CYTH2: variants seen among roughly 807,000 people sequenced by gnomAD.
CYTH2 encodes cytohesin 2.
In CYTH2, 24 loss-of-function variants were observed where a neutral mutation model predicts 55.4. That is an observed-to-expected ratio of 0.43 (90% CI 0.31 to 0.61). CYTH2 has a LOEUF of 0.61. CYTH2 is among the 20% of genes least tolerant of loss of function. CYTH2 has a pLI of 0.08. For synonymous variants in CYTH2, 221 were observed against 209.6 expected (o/e 1.05, Z -0.47); for missense variants, 378 against 533.5 (o/e 0.71, Z 2.87).
At chr19:48,469,917 C>T in intron 1 of CYTH2, 1 of 567,682 alleles carries the variant, frequency 1.8e-6, no homozygotes, top group Non-Finnish European at 3.4e-6. Flanking sequence ...CTTCCCAACT[C>T]TCCTGAGCTG....
chr19:48,477,826 C>G, intron 8 of CYTH2: 1 of 519,744 alleles, frequency 1.9e-6, no homozygotes, highest in South Asian at 3.0e-5. Flanking sequence ...GGGCTGGGGG[C>G]TCAGGCTCCT....
Position 48,469,377 on chromosome 19 carries a change from G to A in CYTH2, c.-131G>A, listed in dbSNP as rs1971733445. ...AAGGGAAGAGTCTTTTCAGCGCTGAGGACTGGCGCTGAGGAGGCGGCGGTG... is the reference window on the plus strand; with the variant it reads ...AAGGGAAGAGTCTTTTCAGCGCTGAAGACTGGCGCTGAGGAGGCGGCGGTG... On this transcript the variant is annotated 5_prime_UTR_variant, in exon 1 of 12. Coordinates refer to ENST00000452733, the MANE Select transcript of CYTH2 (RefSeq NM_004228.7). The A allele has an allele frequency of 7.6e-6, 8 of 1,055,854 alleles. No individual in the cohort carries two copies. The South Asian group carries it at 2.3e-4, about 31-fold the overall frequency. The allele number at this position is 1,055,854 out of a possible 1,614,324, so 65.4% of individuals were successfully genotyped here.
In CYTH2 at chr19:48,474,265, G is replaced by C. The variant is rs774765800; in HGVS notation, c.631G>C (p.Glu211Gln). ...NPNVRDKPGL[E>Q]RFVAMNRGIN... Reference sequence around the variant, plus strand: ...CAATGTCCGGGACAAGCCGGGCCTGGAGCGCTTTGTGGCCATGAACCGGGG... The same window carrying C: ...CAATGTCCGGGACAAGCCGGGCCTGCAGCGCTTTGTGGCCATGAACCGGGG... Residue 211 changes from glutamate (E) to glutamine (Q), a missense_variant, in exon 7 of 12, where the codon GAG becomes CAG. Glu to Gln is a conservative substitution (Grantham distance 29). Transcript: ENST00000452733. The surrounding 1 kb of genome is among the most constrained non-coding windows in gnomAD (Gnocchi z 4.9). 4 of 1,613,738 alleles carry C rather than the reference G, an allele frequency of 2.5e-6. No individual in the cohort carries two copies. The highest frequency in any genetic ancestry group is 1.6e-4 in the Middle Eastern group (1 of 6,062).
Position 48,479,126 on chromosome 19 carries a change from G to A in CYTH2, c.1116G>A (p.Ala372=), listed in dbSNP as rs200513919. The A allele has an allele frequency of 8.1e-6, 13 of 1,614,028 alleles. No homozygotes were observed. Among genetic ancestry groups the A allele is most frequent in the South Asian group, 4.4e-5 (4 of 91,086 alleles). ...TGGGACCCCTCCCCTTCTGCAGGGC[G>A]GCTGTGAGTGTGGACCCCTTCTATG... The part of the protein sequence containing the change: ...EKDEWIKSIQ[A]AVSVDPFYEM... Residue 372 remains alanine (A), a synonymous_variant, in exon 12 of 12, where the codon GCG becomes GCA. Coordinates refer to ENST00000452733, the MANE Select transcript of CYTH2 (RefSeq NM_004228.7).
intron 11 of CYTH2, among the ~76,000 whole-genome samples, 189 bp from the exon 12 acceptor site, chr19:48,478,934 C>G (rs1460715461): frequency 2.2e-4 from 29 of 131,628 alleles, no homozygotes; most frequent in African/African-American, 8.0e-4. Flanking sequence ...GGCCTGGACT[C>G]CTGGGTCTGA....
intron 3 of CYTH2, 87 bp downstream of exon 3, chr19:48,470,756 G>A (rs1601019609): frequency 6.8e-7 from 1 of 1,463,948 alleles, no homozygotes; most frequent in South Asian, 1.2e-5. Context: ...GCGTGATGGT[G>A]CCGGGTCTAT....
chr19:48,472,799 G>C (rs930398254), intron 4 of CYTH2: 3 of 378,722 alleles, frequency 7.9e-6, no homozygotes, highest in South Asian at 4.4e-5. Flanking sequence ...TCTGGGAGCT[G>C]TGGGGACCGC....
At chr19:48,477,757 C>T (rs1009241812) in intron 8 of CYTH2, 7 of 408,182 alleles carry the variant, frequency 1.7e-5, no homozygotes, top group East Asian at 7.7e-5. Context: ...CATCACTAGA[C>T]GAGGGGAGGG....
chr19:48,472,734 T>C lies in CYTH2; in HGVS notation c.353+291T>C. 3 of 444,454 alleles carry C rather than the reference T, an allele frequency of 6.7e-6. 1 individual carries two copies. Among genetic ancestry groups the C allele is most frequent in the South Asian group, 6.1e-5 (3 of 49,372 alleles). 27.5% of individuals were successfully genotyped at this position (444,454 alleles called of 1,614,324 possible). ...GGTAGAGAACATCTCTCAAGGATCA[T>C]GGGAGCTTGAGAACCGTGGGTAGAC... On this transcript the variant is annotated intron_variant, in intron 4 of 11. Transcript: ENST00000452733.
intron 3 of CYTH2, among the ~76,000 whole-genome samples, chr19:48,471,246 G>A (rs1018966430): frequency 9.2e-5 from 14 of 151,696 alleles, no homozygotes; most frequent in African/African-American, 2.7e-4. Context: ...ACTAACCTCC[G>A]CCTCCTGCGA....
At chr19:48,469,876 G>T (rs931555097) in intron 1 of CYTH2, 7 of 560,178 alleles carry the variant, frequency 1.2e-5, no homozygotes, top group Non-Finnish European at 2.1e-5. Flanking sequence ...AGAAATCTTG[G>T]GGGGCGGGGG....
intron 8 of CYTH2, 168 bp downstream of exon 8, chr19:48,475,117 G>A: frequency 3.2e-6 from 2 of 622,724 alleles, no homozygotes; most frequent in Non-Finnish European, 5.5e-6. Flanking sequence ...ATAAAATCAG[G>A]CCTGTGTGCT....
rs560233946 is a variant in CYTH2 at position 48,469,393 on chromosome 19, G to T, written c.-115G>T. The T allele has an allele frequency of 4.8e-4, 575 of 1,195,480 alleles. 3 individuals are homozygous for T. In the South Asian group the frequency reaches 8.9e-3, roughly 18 times the overall value. The allele number at this position is 1,195,480 out of a possible 1,614,324, so 74.1% of individuals were successfully genotyped here. On this transcript the variant is annotated 5_prime_UTR_variant, in exon 1 of 12. It adds an upstream start codon to the 5' untranslated region. Coordinates refer to ENST00000452733, the MANE Select transcript of CYTH2 (RefSeq NM_004228.7). ...CAGCGCTGAGGACTGGCGCTGAGGA[G>T]GCGGCGGTGGCTCCCGGGGCGTTTG...
Position 48,479,256 on chromosome 19 carries a change from G to A in CYTH2, c.*46G>A, listed in dbSNP as rs960403327. ...TATTTATTACGGAGCTGCCCCGCCT[G>A]GGTGGCCGGACCCCTGGGCCTTGGG... On this transcript the variant is annotated 3_prime_UTR_variant, in exon 12 of 12. Transcript: ENST00000452733. The A allele has an allele frequency of 6.2e-7, 1 of 1,605,658 alleles. No homozygotes were observed. The highest frequency in any genetic ancestry group is 2.2e-5 in the East Asian group (1 of 44,698).
At position 48,481,508 on chromosome 19, in the gene CYTH2, TTG is replaced by T; in HGVS notation, c.*2300_*2301del. 1.6e-5 allele frequency: 3 copies of T among 185,358 alleles called. No homozygotes were observed. The highest frequency in any genetic ancestry group is 3.4e-5 in the Non-Finnish European group (3 of 88,790). 11.5% of individuals were successfully genotyped at this position (185,358 alleles called of 1,614,324 possible). On this transcript the variant is annotated 3_prime_UTR_variant, in exon 12 of 12. Coordinates refer to ENST00000452733, the MANE Select transcript of CYTH2 (RefSeq NM_004228.7). ...TTTTGTAGGTTTTTTTTTTTGTTTTTTGTTTTGTTTTGTTTTGTTTTTGAGAG... is the reference window on the plus strand; with the variant it reads ...TTTTGTAGGTTTTTTTTTTTGTTTTTTTTTGTTTTGTTTTGTTTTTGAGAG...
At chr19:48,475,956 C>T (rs748437105) in intron 8 of CYTH2, 51 of 511,726 alleles carry the variant, frequency 1.0e-4, no homozygotes, top group Non-Finnish European at 1.8e-4. Flanking sequence ...GGAGGCTTCC[C>T]GCGGCAGCAG....
rs1971952364 is a variant in CYTH2 at position 48,477,963 on chromosome 19, G to A, written c.809-106G>A. 5 of 853,068 alleles carry A rather than the reference G, an allele frequency of 5.9e-6. No homozygotes were observed. The Admixed American group carries it at 1.2e-4, about 20-fold the overall frequency. The allele number at this position is 853,068 out of a possible 1,614,324, so 52.8% of individuals were successfully genotyped here. ...CGCAGCGGCTTTGTCTAGGCCCCAG[G>A]AGCCCCACCTCTACCGCTCTTGCTC... On this transcript the variant is annotated intron_variant, in intron 8 of 11. Coordinates refer to ENST00000452733, the MANE Select transcript of CYTH2 (RefSeq NM_004228.7).
At chr19:48,475,950 G>C in intron 8 of CYTH2, 1 of 509,212 alleles carries the variant, frequency 2.0e-6, no homozygotes, top group Non-Finnish European at 3.9e-6. Context: ...AGCAGTGGAG[G>C]CTTCCCGCGG....
At chr19:48,471,232 G>T (rs931115491) in intron 3 of CYTH2, among the ~76,000 whole-genome samples, 1 of 149,844 alleles carries the variant, frequency 6.7e-6, no homozygotes, top group African/African-American at 2.5e-5. Context: ...TGTGATCTCG[G>T]CTCACTAACC....
Sources: gnomAD v4.1 joint callset for allele counts (sites outside exome capture counted in the v4.1 genomes callset) on GRCh38, gnomAD v4.1.1 for gene constraint, Gnocchi (gnomAD v3.1) non-coding constraint, MANE v1.5 for transcripts, NCBI Gene and HGNC (gene_info 2026-07-23, HGNC 2026-07-21) for gene names.